Variants in INSL6 observed in about 807,000 individuals in gnomAD.
INSL6 encodes the protein insulin like 6.
In INSL6, 16 loss-of-function variants were observed where a neutral mutation model predicts 9.4. The ratio of observed to expected loss-of-function variants is 1.70; its 90% CI spans 1.15 to 2.59. The LOEUF (loss-of-function observed/expected upper bound fraction) is 2.59. Ranked by LOEUF, INSL6 falls within the 30% of genes most tolerant of loss-of-function variation. The probability of loss-of-function intolerance (pLI) is 0.00; values close to 1 mark genes in which losing one functional copy is unlikely to be tolerated. For missense variants in INSL6, 391 were observed against 257.3 expected (o/e 1.52, Z -3.56); for synonymous variants, 154 against 96.9 (o/e 1.59, Z -3.46).
downstream of INSL6, among the ~76,000 whole-genome samples, chr9:5,161,557 A>G (rs1042317494): frequency 6.6e-6 from 1 of 152,194 alleles, no homozygotes; most frequent in Non-Finnish European, 1.5e-5. Flanking sequence ...CACTACTGTT[A>G]TTCAACATAG....
the INSL6 span, among the ~76,000 whole-genome samples, chr9:5,046,462 A>G: frequency 2.0e-5 from 3 of 152,196 alleles, no homozygotes; most frequent in Non-Finnish European, 2.9e-5. Context: ...TGTCATATCC[A>G]AGAAATCATT....
At chr9:5,116,591 G>C in the INSL6 span, among the ~76,000 whole-genome samples, 1 of 152,114 alleles carries the variant, frequency 6.6e-6, no homozygotes, top group African/African-American at 2.4e-5. Flanking sequence ...AAAAATATTA[G>C]TTATATGAAG....
At chr9:5,028,987 A>C in the INSL6 span, among the ~76,000 whole-genome samples, 1 of 152,238 alleles carries the variant, frequency 6.6e-6, no homozygotes, top group Admixed American at 6.5e-5. Context: ...ATTTCATTCA[A>C]AAACTTTTTC....
chr9:5,050,273 A>T, the INSL6 span, among the ~76,000 whole-genome samples: 10 of 152,316 alleles, frequency 6.6e-5, 1 homozygote, highest in South Asian at 2.1e-3. Flanking sequence ...TGAAAATTAA[A>T]GGAGGAATTT....
the INSL6 span, chr9:5,094,180 G>A: frequency 6.6e-6 from 1 of 151,966 alleles, no homozygotes. Context: ...TTACGCAAAG[G>A]ACCTGATACC....
intron 2 of INSL6, among the ~76,000 whole-genome samples, chr9:5,139,667 T>C (rs151327017): frequency 1.3e-5 from 2 of 152,284 alleles, no homozygotes; most frequent in East Asian, 3.9e-4. Context: ...TGAAACCATT[T>C]ATGAGCTATC....
chr9:5,050,644 G>T, the INSL6 span: 1 of 1,568,472 alleles, frequency 6.4e-7, no homozygotes, highest in South Asian at 1.1e-5. Context: ...ACATGATAAT[G>T]AAACTTACGA....
chr9:5,023,123 T>TTTTG, the INSL6 span, among the ~76,000 whole-genome samples: 1 of 152,220 alleles, frequency 6.6e-6, no homozygotes, highest in Admixed American at 6.5e-5. Context: ...CTGTCTGTAT[T>TTTTG]TTTGTGCCCA....
the INSL6 span, among the ~76,000 whole-genome samples, chr9:5,079,021 T>C: frequency 2.0e-5 from 3 of 152,232 alleles, no homozygotes; most frequent in East Asian, 1.9e-4. Flanking sequence ...ATTTCTCTAA[T>C]TGGATGTTCT....
At chr9:5,171,054 T>C (rs1257318362) in intron 1 of INSL6, among the ~76,000 whole-genome samples, 3 of 152,102 alleles carry the variant, frequency 2.0e-5, no homozygotes, top group Non-Finnish European at 4.4e-5. Flanking sequence ...TTCAGGCCAA[T>C]ATTCCTGAAG....
At chr9:5,165,074 G>T (rs1002507434) in intron 1 of INSL6, among the ~76,000 whole-genome samples, 5 of 152,196 alleles carry the variant, frequency 3.3e-5, no homozygotes. Context: ...AGCCAGGCAT[G>T]GTGGTGCACG....
At chr9:5,006,903 A>G in the INSL6 span, among the ~76,000 whole-genome samples, 2 of 152,176 alleles carry the variant, frequency 1.3e-5, no homozygotes, top group African/African-American at 4.8e-5. Context: ...AAGGAACTTC[A>G]TTTGTTTTTA....
chr9:5,119,036 G>T (rs141665415), downstream of INSL6, among the ~76,000 whole-genome samples: 658 of 152,178 alleles, frequency 4.3e-3, 7 homozygotes, highest in African/African-American at 0.015. Flanking sequence ...TGAAAAAACA[G>T]ACTATTATTA....
chr9:5,098,294 C>T, the INSL6 span: 5 of 152,170 alleles, frequency 3.3e-5, no homozygotes, highest in Non-Finnish European at 5.9e-5. Flanking sequence ...AAATTCATTA[C>T]GTAACTTTGT....
At chr9:5,161,292 A>C (rs1243734705), downstream of INSL6, among the ~76,000 whole-genome samples, 1 of 152,242 alleles carries the variant, frequency 6.6e-6, no homozygotes, top group Non-Finnish European at 1.5e-5. Flanking sequence ...TTGCAAGTCA[A>C]TCATTGTGAT....
chr9:5,101,378 G>C, the INSL6 span, among the ~76,000 whole-genome samples: 1 of 152,222 alleles, frequency 6.6e-6, no homozygotes, highest in East Asian at 1.9e-4. Context: ...AAGTGGCCAG[G>C]GAAGCTCGAA....
the INSL6 span, chr9:5,098,152 T>TCCATA: frequency 6.6e-6 from 1 of 152,174 alleles, no homozygotes; most frequent in African/African-American, 2.4e-5. Flanking sequence ...TTTATGGCTG[T>TCCATA]CCACCACCTT....
the INSL6 span, among the ~76,000 whole-genome samples, chr9:5,002,427 C>T: frequency 3.3e-5 from 5 of 151,994 alleles, no homozygotes; most frequent in South Asian, 4.1e-4. Context: ...TTTTGCAATA[C>T]TGGGAGATTT....
In INSL6 at chr9:5,133,115, T is replaced by C. The variant is rs114907126; in HGVS notation, c.*10+310A>G. Among the ~76,000 whole-genome samples the C allele has an allele frequency of 6.7e-3, 1,027 of 152,252 alleles. 24 individuals are homozygous for C. Among genetic ancestry groups the C allele is most frequent in the African/African-American group, 0.024 (995 of 41,520 alleles). The stretch of plus-strand genomic sequence containing the variant: ...CTGATGTTGGAGGATGAAAAAATCA[T>C]ATAAAGCACAGAAATACAGTACATA... On this transcript the variant is annotated intron_variant, in intron 3 of 3. Transcript: ENST00000649639.
Sources: allele counts gnomAD v4.1 joint callset (sites outside exome capture counted in the v4.1 genomes callset), GRCh38; gene constraint gnomAD v4.1.1; transcripts MANE v1.5; gene names NCBI Gene and HGNC (gene_info 2026-07-23, HGNC 2026-07-21).